Variants in CSMD1 observed in about 807,000 individuals in gnomAD.
CSMD1 encodes CUB and sushi domain-containing protein 1.
A neutral mutation model predicts 417.5 loss-of-function variants in CSMD1; 213 were observed. The ratio of observed to expected loss-of-function variants is 0.51; its 90% CI spans 0.46 to 0.57. The LOEUF (loss-of-function observed/expected upper bound fraction) is 0.57, where lower values mean the gene tolerates loss of function less well. CSMD1 is among the 20% of genes least tolerant of loss of function. The probability of loss-of-function intolerance (pLI) is 0.00; values close to 1 mark genes in which losing one functional copy is unlikely to be tolerated. For synonymous variants in CSMD1, 2,862 were observed against 1,736.8 expected (o/e 1.65, Z -16.11); for missense variants, 6,923 against 4,529.7 (o/e 1.53, Z -15.17).
intron 2 of CSMD1, among the ~76,000 whole-genome samples, chr8:4,583,092 G>A (rs1003265223): frequency 3.9e-5 from 6 of 152,182 alleles, no homozygotes; most frequent in African/African-American, 9.7e-5. Flanking sequence ...CCTGCAGCCC[G>A]CCGTGCCTGA....
chr8:3,605,421 G>C (rs916735018), intron 8 of CSMD1, among the ~76,000 whole-genome samples: 1 of 152,124 alleles, frequency 6.6e-6, no homozygotes, highest in African/African-American at 2.4e-5. Flanking sequence ...ACCTACAATG[G>C]AGAAATAATA....
intron 18 of CSMD1, among the ~76,000 whole-genome samples, chr8:3,385,842 G>A (rs143411382): frequency 7.9e-4 from 120 of 152,052 alleles, no homozygotes; most frequent in Middle Eastern, 3.4e-3. Context: ...GTTGGCCAGA[G>A]AATTCCTCTG....
At chr8:3,582,850 A>G (rs748928942) in intron 9 of CSMD1, among the ~76,000 whole-genome samples, 32 of 152,226 alleles carry the variant, frequency 2.1e-4, no homozygotes, top group Non-Finnish European at 4.0e-4. Context: ...TAAATATTTC[A>G]AAATCACATA....
At chr8:3,967,141 T>C (rs1455481200) in intron 5 of CSMD1, among the ~76,000 whole-genome samples, 1 of 151,548 alleles carries the variant, frequency 6.6e-6, no homozygotes, top group Non-Finnish European at 1.5e-5. Context: ...TCTATTTGCA[T>C]CTTTCTGCTA....
At chr8:4,413,038 G>C (rs1006171249) in intron 3 of CSMD1, among the ~76,000 whole-genome samples, 1 of 152,050 alleles carries the variant, frequency 6.6e-6, no homozygotes, top group Non-Finnish European at 1.5e-5. Context: ...GTTCTTTCCA[G>C]AAAAATAGAC....
intron 1 of CSMD1, among the ~76,000 whole-genome samples, chr8:4,863,457 C>T (rs1048416291): frequency 1.3e-5 from 2 of 152,064 alleles, no homozygotes; most frequent in African/African-American, 4.8e-5. Flanking sequence ...CTAGAACATT[C>T]ATTTTTAAAT....
At chr8:3,750,304 C>A (rs940586663) in intron 6 of CSMD1, among the ~76,000 whole-genome samples, 11 of 150,232 alleles carry the variant, frequency 7.3e-5, no homozygotes, top group African/African-American at 2.7e-4. Flanking sequence ...TTAAAATGTT[C>A]TTCTCCACTT....
chr8:4,073,851 C>G (rs923969805), intron 3 of CSMD1, among the ~76,000 whole-genome samples: 6 of 152,132 alleles, frequency 3.9e-5, no homozygotes, highest in East Asian at 1.9e-4. Flanking sequence ...GGGTTTAAAA[C>G]AGTTTAAATT....
intron 3 of CSMD1, among the ~76,000 whole-genome samples, chr8:4,061,766 G>A (rs769640306): frequency 3.3e-5 from 5 of 152,226 alleles, no homozygotes; most frequent in Middle Eastern, 3.4e-3. Context: ...TGCATGTTCA[G>A]TACCTAAAAA....
At chr8:4,706,992 G>C (rs745614017) in intron 1 of CSMD1, among the ~76,000 whole-genome samples, 2 of 152,154 alleles carry the variant, frequency 1.3e-5, no homozygotes, top group Admixed American at 6.5e-5. Context: ...AAGTCATGAA[G>C]GACCTTTCTC....
At chr8:3,256,585 G>C (rs1447394129) in intron 26 of CSMD1, among the ~76,000 whole-genome samples, 1 of 152,146 alleles carries the variant, frequency 6.6e-6, no homozygotes, top group Admixed American at 6.5e-5. Flanking sequence ...CCTGACAAAT[G>C]AACCAACAAC....
chr8:4,172,194 A>G (rs1797800918), intron 3 of CSMD1, among the ~76,000 whole-genome samples: 2 of 152,154 alleles, frequency 1.3e-5, no homozygotes, highest in African/African-American at 4.8e-5. Flanking sequence ...GAAAAACTCT[A>G]CGCCATCTAA....
At chr8:3,457,959 A>T (rs1180387118) in intron 12 of CSMD1, among the ~76,000 whole-genome samples, 2 of 152,204 alleles carry the variant, frequency 1.3e-5, no homozygotes, top group Non-Finnish European at 2.9e-5. Context: ...CAGAGCCTAA[A>T]ATATCACCTA....
chr8:4,755,852 C>A (rs1811633744), intron 1 of CSMD1, among the ~76,000 whole-genome samples: 1 of 152,142 alleles, frequency 6.6e-6, no homozygotes, highest in African/African-American at 2.4e-5. Flanking sequence ...GATGAAACCA[C>A]ACCAACCTGG....
intron 1 of CSMD1, among the ~76,000 whole-genome samples, chr8:4,652,225 G>C (rs1460171635): frequency 1.3e-5 from 2 of 152,116 alleles, no homozygotes; most frequent in African/African-American, 2.4e-5. Flanking sequence ...AAAAATCAAA[G>C]GATGGGATTG....
chr8:3,407,930 A>G lies in CSMD1; in HGVS notation c.2040T>C (p.Thr680=). The G allele has an allele frequency of 6.2e-7, 1 of 1,612,908 alleles. No homozygotes were observed. Among genetic ancestry groups the G allele is most frequent in the Non-Finnish European group, 8.5e-7 (1 of 1,179,208 alleles). Residue 680 remains threonine (T), a synonymous_variant, in exon 14 of 70, where the codon ACT becomes ACC. Coordinates refer to ENST00000635120, the MANE Select transcript of CSMD1 (RefSeq NM_033225.6). ...VRLEFQSDHS[T]TGRGFNITYT... is the part of the protein sequence containing the mutation. ...AAGTGATGTTGAACCCTCTGCCAGT[A>G]GTGGAATGGTCAGACTGAAATTCCA...
intron 3 of CSMD1, among the ~76,000 whole-genome samples, chr8:4,069,872 C>G (rs566430492): frequency 6.6e-6 from 1 of 151,392 alleles, no homozygotes; most frequent in Non-Finnish European, 1.5e-5. Flanking sequence ...GGTACTGCAA[C>G]AGTAAGGTGT....
At chr8:4,113,141 T>G (rs747753554) in intron 3 of CSMD1, among the ~76,000 whole-genome samples, 5 of 152,146 alleles carry the variant, frequency 3.3e-5, no homozygotes, top group Non-Finnish European at 7.3e-5. Flanking sequence ...AGCTGTTCTT[T>G]ATCTTACTCT....
In CSMD1 at chr8:4,039,769, G is replaced by A. The variant is rs1305533173; in HGVS notation, c.416-7670C>T. ...AATTGATGTGGGGGAAGTCGTTGTG[G>A]CAAGCATTTATAGAAAAGTATATGG... On this transcript the variant is annotated intron_variant, in intron 3 of 69. Transcript: ENST00000635120. Among the ~76,000 whole-genome samples, 5 of 152,310 alleles carry A rather than the reference G, an allele frequency of 3.3e-5. No homozygotes were observed. In the East Asian group the frequency reaches 7.7e-4, roughly 23 times the overall value.
Sources: allele counts gnomAD v4.1 joint callset (sites outside exome capture counted in the v4.1 genomes callset), GRCh38; gene constraint gnomAD v4.1.1; transcripts MANE v1.5; gene names NCBI Gene and HGNC (gene_info 2026-07-23, HGNC 2026-07-21).